CMC1: variants seen among roughly 807,000 people sequenced by gnomAD.
The protein encoded by CMC1 is C-X9-C motif containing 1.
Under a neutral mutation model 14.1 loss-of-function variants are expected in CMC1, and 14 were observed. The observed-to-expected ratio is 0.99, with a 90% CI of 0.66 to 1.55. CMC1 has a LOEUF of 1.55. Ranked by LOEUF, CMC1 falls within the 40% of genes most tolerant of loss-of-function variation. The pLI, the probability that CMC1 is intolerant of heterozygous loss-of-function variation, is 0.00. For synonymous variants in CMC1, 50 were observed against 38.4 expected (o/e 1.30, Z -1.12); for missense variants, 127 against 123.8 (o/e 1.03, Z -0.12).
At chr3:28,292,451 A>T (rs527382835) in intron 2 of CMC1, among the ~76,000 whole-genome samples, 2 of 152,218 alleles carry the variant, frequency 1.3e-5, no homozygotes, top group South Asian at 4.1e-4. Flanking sequence ...GTTGCTAGGT[A>T]AAGCTTTTTC....
At chr3:28,282,784 ATTC>A (rs972474763) in intron 2 of CMC1, among the ~76,000 whole-genome samples, 1 of 152,112 alleles carries the variant, frequency 6.6e-6, no homozygotes, top group Non-Finnish European at 1.5e-5. Context: ...CATCCCTTTG[ATTC>A]TTCATCATAA....
intron 2 of CMC1, among the ~76,000 whole-genome samples, chr3:28,285,986 T>G (rs541790663): frequency 1.3e-5 from 2 of 152,184 alleles, no homozygotes; most frequent in African/African-American, 4.8e-5. Flanking sequence ...AGAATGGCCT[T>G]GATCTCCTGA....
intron 2 of CMC1, among the ~76,000 whole-genome samples, chr3:28,280,172 GT>G (rs1204302765): frequency 6.9e-4 from 105 of 152,232 alleles, no homozygotes; most frequent in African/African-American, 2.2e-3. Flanking sequence ...TTAATATTAT[GT>G]TCTAGAACAG....
At chr3:28,311,073 C>G (rs988899159) in intron 2 of CMC1, among the ~76,000 whole-genome samples, 1 of 152,130 alleles carries the variant, frequency 6.6e-6, no homozygotes, top group Non-Finnish European at 1.5e-5. Flanking sequence ...TGGGGGACCC[C>G]TGTTGTAAAA....
intron 2 of CMC1, among the ~76,000 whole-genome samples, chr3:28,268,260 C>T (rs1158041477): frequency 6.6e-6 from 1 of 151,982 alleles, no homozygotes; most frequent in Non-Finnish European, 1.5e-5. Context: ...GTTATTACAG[C>T]AAAAAGATAC....
chr3:28,310,623 T>C (rs1015548733), intron 2 of CMC1, among the ~76,000 whole-genome samples: 1 of 152,244 alleles, frequency 6.6e-6, no homozygotes, highest in Admixed American at 6.5e-5. Context: ...ATCTTTTCTT[T>C]AAAATTAAGG....
At chr3:28,292,851 T>C (rs1250938837) in intron 2 of CMC1, 1 of 152,328 alleles carries the variant, frequency 6.6e-6, no homozygotes, top group East Asian at 1.9e-4. Flanking sequence ...ATTGGTTTAG[T>C]TGTTCTGTTG....
At chr3:28,263,261 T>C in intron 1 of CMC1, 30 bp from the exon 2 acceptor site, 1 of 1,516,856 alleles carries the variant, frequency 6.6e-7, no homozygotes, top group Admixed American at 1.9e-5. Flanking sequence ...TGCTTGAGAC[T>C]TTATTAAAGA....
intron 2 of CMC1, among the ~76,000 whole-genome samples, chr3:28,301,997 TAGGAA>T (rs1702074792): frequency 1.3e-5 from 2 of 151,754 alleles, no homozygotes; most frequent in Non-Finnish European, 1.5e-5. Flanking sequence ...TAAGATGGAG[TAGGAA>T]ACACTTTGTG....
In CMC1 at chr3:28,324,847, T is replaced by C. The variant is rs1036700064; in HGVS notation, c.*5218T>C. 1.9e-5 allele frequency: 3 copies of C among 156,450 alleles called. No homozygotes were observed. Among genetic ancestry groups the C allele is most frequent in the Non-Finnish European group, 2.8e-5 (2 of 71,220 alleles). The allele number at this position is 156,450 out of a possible 1,614,324, so 9.7% of individuals were successfully genotyped here. A position where few individuals can be genotyped will look rare whatever the true frequency, so the allele number is the denominator to read the frequency against. ...GGCTCTTATTGTGGCTGGAGAAGGA[T>C]TGCAGACTGTTCACATGTCAGTGGG... On this transcript the variant is annotated 3_prime_UTR_variant, in exon 4 of 4. Coordinates refer to ENST00000466830, the MANE Select transcript of CMC1 (RefSeq NM_182523.2).
chr3:28,319,526 T>C lies in CMC1; in HGVS notation c.218T>C (p.Phe73Ser). The C allele has an allele frequency of 6.2e-7, 1 of 1,602,612 alleles. No homozygotes were observed. The highest frequency in any genetic ancestry group is 8.5e-7 in the Non-Finnish European group (1 of 1,173,070). Residue 73 changes from phenylalanine to serine, a missense_variant, in exon 4 of 4, where the codon TTT becomes TCT. Physicochemically the swap from Phe to Ser is radical, Grantham distance 155. Coordinates refer to ENST00000466830, the MANE Select transcript of CMC1 (RefSeq NM_182523.2). ...CLTAYYNDPA[F>S]YEECKMEYLK... ...TCTCATAGCTATAATGATCCAGCCT[T>C]TTATGAAGAATGCAAAATGGAATAC...
chr3:28,288,876 G>A (rs1030560288), intron 2 of CMC1, among the ~76,000 whole-genome samples: 1 of 151,364 alleles, frequency 6.6e-6, no homozygotes, highest in African/African-American at 2.4e-5. Context: ...GAATATTTTT[G>A]CAAGTAAATG....
intron 2 of CMC1, among the ~76,000 whole-genome samples, chr3:28,283,274 T>C (rs1700988667): frequency 6.6e-6 from 1 of 151,830 alleles, no homozygotes; most frequent in Admixed American, 6.6e-5. Flanking sequence ...AGCACTTTGG[T>C]GGGCTGGGGT....
intron 2 of CMC1, among the ~76,000 whole-genome samples, chr3:28,284,610 C>T (rs1701075091): frequency 6.6e-6 from 1 of 152,112 alleles, no homozygotes; most frequent in African/African-American, 2.4e-5. Flanking sequence ...CTTAAAGCAG[C>T]CCATAGCAAC....
At chr3:28,255,823 C>T (rs1378660988) in intron 1 of CMC1, among the ~76,000 whole-genome samples, 1 of 151,508 alleles carries the variant, frequency 6.6e-6, no homozygotes, top group Non-Finnish European at 1.5e-5. Flanking sequence ...GTTTGTCTAC[C>T]TTTACATAGG....
intron 2 of CMC1, among the ~76,000 whole-genome samples, chr3:28,272,284 C>G: frequency 6.6e-6 from 1 of 152,098 alleles, no homozygotes; most frequent in East Asian, 1.9e-4. Flanking sequence ...GAGAGGGCAT[C>G]TTTGTCTTAT....
At chr3:28,267,012 C>A (rs1700036500) in intron 2 of CMC1, among the ~76,000 whole-genome samples, 1 of 152,092 alleles carries the variant, frequency 6.6e-6, no homozygotes, top group African/African-American at 2.4e-5. Flanking sequence ...ACAGTAACCT[C>A]CCACCAACTG....
chr3:28,286,807 AC>A (rs1422323080), intron 2 of CMC1, among the ~76,000 whole-genome samples: 1 of 152,202 alleles, frequency 6.6e-6, no homozygotes, highest in Non-Finnish European at 1.5e-5. Context: ...CAATTTTAAC[AC>A]AGCACATGTA....
At chr3:28,307,708 T>A (rs1461599598) in intron 2 of CMC1, among the ~76,000 whole-genome samples, 2 of 152,210 alleles carry the variant, frequency 1.3e-5, no homozygotes, top group Non-Finnish European at 2.9e-5. Context: ...TTTTAGCCAG[T>A]TTTTCCCCCC....
Sources: gnomAD v4.1 joint callset for allele counts (sites outside exome capture counted in the v4.1 genomes callset) on GRCh38, gnomAD v4.1.1 for gene constraint, MANE v1.5 for transcripts, NCBI Gene and HGNC (gene_info 2026-07-23, HGNC 2026-07-21) for gene names.